The following TRHDE variants were observed in gnomAD, a reference collection of about 807,000 sequenced individuals.
TRHDE encodes thyrotropin-releasing hormone-degrading ectoenzyme.
Under a neutral mutation model 125.7 loss-of-function variants are expected in TRHDE, and 72 were observed. The observed-to-expected ratio is 0.57, with a 90% confidence interval of 0.47 to 0.70. TRHDE has a LOEUF of 0.70. Among genes scored for constraint, TRHDE ranks in the 30% least tolerant of loss-of-function variants. The pLI is 0.00. For missense variants in TRHDE, 1,110 were observed against 1,327.1 expected (o/e 0.84, Z 2.54); for synonymous variants, 509 against 509.1 (o/e 1.00, Z 0.00).
intron 2 of TRHDE, among the ~76,000 whole-genome samples, chr12:72,227,356 C>T (rs2367896): frequency 0.33 from 50,238 of 151,950 alleles, 8,759 homozygotes; most frequent in Middle Eastern, 0.39. Context: ...GGCAGGCAAG[C>T]GAGAGCTTGT....
chr12:72,545,048 A>C (rs901522224), intron 7 of TRHDE, among the ~76,000 whole-genome samples: 4 of 151,512 alleles, frequency 2.6e-5, no homozygotes, highest in Non-Finnish European at 5.9e-5. Flanking sequence ...TTTCTTACTG[A>C]ACAATCACAG....
In TRHDE at chr12:72,663,357, A is replaced by AT; in HGVS notation, c.*168dup. Reference sequence around the variant, plus strand: ...TTTTTATTTTTTGGTTTTGGGGGATATTTTTTATTTGTTTCATTCATTCTG... The same window carrying AT: ...TTTTTATTTTTTGGTTTTGGGGGATATTTTTTTATTTGTTTCATTCATTCTG... On this transcript the variant is annotated 3_prime_UTR_variant, in exon 19 of 19. Coordinates refer to ENST00000261180, the MANE Select transcript of TRHDE (RefSeq NM_013381.3). 7.8e-6 allele frequency: 4 copies of AT among 514,692 alleles called. No individual in the cohort carries two copies. The highest frequency in any genetic ancestry group is 1.3e-5 in the Non-Finnish European group (4 of 303,302). The allele number at this position is 514,692 out of a possible 1,614,324, so 31.9% of individuals were successfully genotyped here.
At chr12:72,550,357 C>T (rs903255430) in intron 7 of TRHDE, among the ~76,000 whole-genome samples, 5 of 152,004 alleles carry the variant, frequency 3.3e-5, no homozygotes, top group Admixed American at 2.6e-4. Flanking sequence ...AATAAACTTG[C>T]CTTACAGGCA....
chr12:72,236,056 A>G, intron 2 of TRHDE, among the ~76,000 whole-genome samples: 1 of 152,214 alleles, frequency 6.6e-6, no homozygotes, highest in East Asian at 1.9e-4. Context: ...TTCAAGGTTC[A>G]GAAGAGTCAC....
chr12:72,125,970 G>A (rs1322866688), intron 2 of TRHDE, among the ~76,000 whole-genome samples: 1 of 152,120 alleles, frequency 6.6e-6, no homozygotes, highest in Admixed American at 6.6e-5. Context: ...TATTAGAGAG[G>A]AGTGAGCCAC....
At chr12:72,364,247 C>A (rs554102228) in intron 2 of TRHDE, among the ~76,000 whole-genome samples, 74 of 152,074 alleles carry the variant, frequency 4.9e-4, no homozygotes, top group South Asian at 1.0e-3. Flanking sequence ...AGAACTGATA[C>A]AATGAAGATT....
At chr12:72,209,499 T>G (rs1592484586) in intron 2 of TRHDE, among the ~76,000 whole-genome samples, 1 of 152,302 alleles carries the variant, frequency 6.6e-6, no homozygotes, top group South Asian at 2.1e-4. Flanking sequence ...TCACAGGAAG[T>G]CTAAGTTTGT....
chr12:72,639,256 C>G (rs1306797577), intron 15 of TRHDE, among the ~76,000 whole-genome samples: 5 of 152,008 alleles, frequency 3.3e-5, no homozygotes, highest in Non-Finnish European at 7.4e-5. Flanking sequence ...TCATTCATTT[C>G]ATCTTCCATC....
chr12:72,661,956 CTG>C (rs1373341857), intron 18 of TRHDE, among the ~76,000 whole-genome samples: 3 of 152,276 alleles, frequency 2.0e-5, no homozygotes, highest in African/African-American at 7.2e-5. Context: ...AGTAAAAACT[CTG>C]AGAAAACCCA....
At chr12:72,311,547 G>T (rs529694167) in intron 2 of TRHDE, among the ~76,000 whole-genome samples, 7 of 152,184 alleles carry the variant, frequency 4.6e-5, no homozygotes, top group Non-Finnish European at 1.0e-4. Context: ...TTGCCATTCA[G>T]TAAATATTGC....
At chr12:72,401,892 C>T (rs1354944520) in intron 3 of TRHDE, among the ~76,000 whole-genome samples, 1 of 152,130 alleles carries the variant, frequency 6.6e-6, no homozygotes, top group Non-Finnish European at 1.5e-5. Context: ...GTATTTTGAA[C>T]ACTTTAAAAT....
intron 3 of TRHDE, among the ~76,000 whole-genome samples, chr12:72,465,073 G>A (rs1275798920): frequency 2.6e-5 from 4 of 152,242 alleles, no homozygotes; most frequent in African/African-American, 9.6e-5. Flanking sequence ...GGCATATGAA[G>A]GAGTTATGGG....
At chr12:72,293,565 C>G (rs1565686854) in intron 2 of TRHDE, among the ~76,000 whole-genome samples, 2 of 152,146 alleles carry the variant, frequency 1.3e-5, no homozygotes, top group Admixed American at 1.3e-4. Context: ...GCCAAAAGTT[C>G]TCAAGTTTTG....
chr12:72,408,791 G>A (rs2135811665), intron 3 of TRHDE, among the ~76,000 whole-genome samples: 1 of 152,240 alleles, frequency 6.6e-6, no homozygotes. Context: ...TAATTGTTCT[G>A]AAGATCAGTC....
At chr12:72,525,336 G>GA (rs1868312779) in intron 6 of TRHDE, among the ~76,000 whole-genome samples, 1 of 151,714 alleles carries the variant, frequency 6.6e-6, no homozygotes, top group Non-Finnish European at 1.5e-5. Context: ...ATTCTATTTT[G>GA]AAGTCAAAAC....
At chr12:72,344,736 TCCCAA>T in intron 2 of TRHDE, among the ~76,000 whole-genome samples, 1 of 151,998 alleles carries the variant, frequency 6.6e-6, no homozygotes, top group Non-Finnish European at 1.5e-5. Context: ...TGGAGGCCAC[TCCCAA>T]GCCTCCACCC....
intron 3 of TRHDE, among the ~76,000 whole-genome samples, chr12:72,425,424 A>G (rs1439331985): frequency 2.0e-5 from 3 of 152,118 alleles, no homozygotes; most frequent in African/African-American, 7.2e-5. Flanking sequence ...AAGAATTTGA[A>G]AGAATCTGTT....
At chr12:72,192,301 G>T (rs1877356937) in intron 2 of TRHDE, among the ~76,000 whole-genome samples, 1 of 152,056 alleles carries the variant, frequency 6.6e-6, no homozygotes, top group Non-Finnish European at 1.5e-5. Flanking sequence ...TGCTTCTGGT[G>T]TTCAGATCAC....
At chr12:72,582,614 T>C (rs1871286796) in intron 12 of TRHDE, 1 of 985,376 alleles carries the variant, frequency 1.0e-6, no homozygotes, top group Non-Finnish European at 1.2e-6. Context: ...GCTAGATGAG[T>C]AGCAGTTTTT....
Sources: gnomAD v4.1 joint callset for allele counts (sites outside exome capture counted in the v4.1 genomes callset) on GRCh38, gnomAD v4.1.1 for gene constraint, MANE v1.5 for transcripts, NCBI Gene and HGNC (gene_info 2026-07-23, HGNC 2026-07-21) for gene names.